Variants in CLNK observed in about 807,000 individuals in gnomAD.
The protein encoded by CLNK is cytokine dependent hematopoietic cell linker.
In CLNK, 74 loss-of-function variants were observed where a neutral mutation model predicts 68.6. The ratio of observed to expected loss-of-function variants is 1.08; its 90% CI spans 0.89 to 1.31. The LOEUF (loss-of-function observed/expected upper bound fraction) is 1.31. CLNK is among the 50% of genes most tolerant of loss of function. CLNK has a pLI of 0.00. For synonymous variants in CLNK, 198 were observed against 172.2 expected, an observed-to-expected ratio of 1.15 and a Z score of -1.17; for missense variants, 553 against 515.3, an observed-to-expected ratio of 1.07 and a Z score of -0.71.
intron 2 of CLNK, among the ~76,000 whole-genome samples, chr4:10,630,411 G>A (rs552330183): frequency 3.9e-5 from 6 of 152,160 alleles, no homozygotes; most frequent in Non-Finnish European, 8.8e-5. Flanking sequence ...GGCAAAGCTG[G>A]GATTCCAACT....
intron 2 of CLNK, among the ~76,000 whole-genome samples, chr4:10,640,467 G>A (rs1723268329): frequency 6.6e-6 from 1 of 152,146 alleles, no homozygotes; most frequent in Non-Finnish European, 1.5e-5. Context: ...CACCTGGCCT[G>A]GACTAACATT....
At chr4:10,642,150 A>T (rs1202012373) in intron 2 of CLNK, among the ~76,000 whole-genome samples, 1 of 152,222 alleles carries the variant, frequency 6.6e-6, no homozygotes, top group East Asian at 1.9e-4. Context: ...GCATAAATCA[A>T]AGTAAAAATA....
rs972599504 is a variant in CLNK, at chr4:10,486,579, C to T, written c.*3888G>A. ...ACACACATACATAATTGGCTACATTCGACAATGGGGTTCATTTGATTCCTC... is the reference window on the plus strand; with the variant it reads ...ACACACATACATAATTGGCTACATTTGACAATGGGGTTCATTTGATTCCTC... On this transcript the variant is annotated 3_prime_UTR_variant, in exon 19 of 19. Coordinates refer to ENST00000226951, the MANE Select transcript of CLNK (RefSeq NM_052964.4). 1 of 152,018 alleles carries T rather than the reference C, an allele frequency of 6.6e-6. No homozygotes were observed. The highest frequency in any genetic ancestry group is 1.9e-4 in the East Asian group (1 of 5,192). 9.4% of individuals were successfully genotyped at this position (152,018 alleles called of 1,614,324 possible).
At chr4:10,690,908 AC>A in the CLNK span, among the ~76,000 whole-genome samples, 41,879 of 152,042 alleles carry the variant, frequency 0.28, 6,174 homozygotes, top group Non-Finnish European at 0.33. Context: ...ACCTGGTGAA[AC>A]ACCAGTAATA....
Position 10,550,693 on chromosome 4 carries a change from C to CT in CLNK, c.445+7713dup, listed in dbSNP as rs954000058. Among the ~76,000 whole-genome samples the CT allele has an allele frequency of 1.5e-3, 229 of 152,120 alleles. 3 individuals are homozygous for CT. Among genetic ancestry groups the CT allele is most frequent in the Non-Finnish European group, 7.4e-4 (50 of 67,982 alleles). ...GATATGTGACAGCAAAACAAGCACA[C>CT]TTTTTTTTCCTTCTTCCCAATTTCA... On this transcript the variant is annotated intron_variant, in intron 8 of 18. Coordinates refer to ENST00000226951, the MANE Select transcript of CLNK (RefSeq NM_052964.4).
chr4:10,571,537 T>C (rs1018700318), intron 5 of CLNK, among the ~76,000 whole-genome samples: 2 of 152,024 alleles, frequency 1.3e-5, no homozygotes, highest in African/African-American at 4.8e-5. Context: ...GGTTTCCTCA[T>C]GTTAGCCAGG....
At chr4:10,680,379 A>T (rs1480042418) in intron 1 of CLNK, among the ~76,000 whole-genome samples, 1 of 51,800 alleles carries the variant, frequency 1.9e-5, no homozygotes, top group East Asian at 6.7e-4. Flanking sequence ...GGTTGGGGGG[A>T]GGGGGGAGGG....
intron 2 of CLNK, among the ~76,000 whole-genome samples, chr4:10,605,385 G>A (rs1187869496): frequency 2.0e-5 from 3 of 152,022 alleles, no homozygotes; most frequent in Admixed American, 6.6e-5. Context: ...CAGGTGATAC[G>A]GTATAGCCTA....
chr4:10,705,890 A>T, the CLNK span, among the ~76,000 whole-genome samples: 1 of 152,238 alleles, frequency 6.6e-6, no homozygotes, highest in East Asian at 1.9e-4. Flanking sequence ...AGCACGGGAA[A>T]AGTGTAAGAC....
the CLNK span, among the ~76,000 whole-genome samples, chr4:10,731,797 A>C: frequency 8.5e-5 from 13 of 152,232 alleles, no homozygotes; most frequent in Non-Finnish European, 1.9e-4. Flanking sequence ...TGTAACTACA[A>C]AAAGAGAAGG....
At chr4:10,630,549 C>A (rs566101088) in intron 2 of CLNK, among the ~76,000 whole-genome samples, 1 of 151,962 alleles carries the variant, frequency 6.6e-6, no homozygotes, top group African/African-American at 2.4e-5. Flanking sequence ...GCTGTGAATT[C>A]TAGGAGGGGA....
rs543475373 is a variant in CLNK at position 10,566,881 on chromosome 4, A to G, written c.151-731T>C. ...AATAGCATCAAGGAGAATAAAATAT[A>G]TGGAAATACATTTAACAAAAGAAGT... On this transcript the variant is annotated intron_variant, in intron 5 of 18. Coordinates refer to ENST00000226951, the MANE Select transcript of CLNK (RefSeq NM_052964.4). Among the ~76,000 whole-genome samples the G allele has an allele frequency of 7.2e-5, 11 of 152,230 alleles. No individual in the cohort carries two copies. The South Asian group carries it at 2.3e-3, about 32-fold the overall frequency.
At chr4:10,656,515 C>T (rs933543388) in intron 2 of CLNK, 5 of 151,970 alleles carry the variant, frequency 3.3e-5, no homozygotes, top group Admixed American at 2.6e-4. Context: ...CCACTGGTTT[C>T]GTAAAAATTA....
At chr4:10,584,598 G>C (rs1274774778) in intron 4 of CLNK, among the ~76,000 whole-genome samples, 1 of 152,164 alleles carries the variant, frequency 6.6e-6, no homozygotes, top group Non-Finnish European at 1.5e-5. Flanking sequence ...GTGAATACTA[G>C]TGAGTCACCA....
chr4:10,711,559 C>T, the CLNK span, among the ~76,000 whole-genome samples: 2 of 151,880 alleles, frequency 1.3e-5, no homozygotes, highest in Non-Finnish European at 2.9e-5. Context: ...ACTGGTTTAG[C>T]CCAATTAAAA....
At chr4:10,520,706 G>T in intron 15 of CLNK, 85 bp downstream of exon 15, 1 of 968,062 alleles carries the variant, frequency 1.0e-6, no homozygotes, top group Non-Finnish European at 1.6e-6. Flanking sequence ...GTGGCTCTGG[G>T]GTTCACAACA....
intron 8 of CLNK, among the ~76,000 whole-genome samples, chr4:10,557,459 G>C (rs1056614572): frequency 2.0e-5 from 3 of 152,156 alleles, no homozygotes; most frequent in African/African-American, 7.2e-5. Flanking sequence ...TGGGCTAGTG[G>C]TGTCCCGGGA....
intron 2 of CLNK, among the ~76,000 whole-genome samples, chr4:10,640,047 A>G (rs932254137): frequency 6.6e-5 from 10 of 152,230 alleles, no homozygotes; most frequent in African/African-American, 2.4e-4. Flanking sequence ...CATTTGAATC[A>G]ATAACACTAC....
At chr4:10,565,509 C>T (rs1720071645) in intron 6 of CLNK, among the ~76,000 whole-genome samples, 1 of 152,192 alleles carries the variant, frequency 6.6e-6, no homozygotes, top group African/African-American at 2.4e-5. Context: ...TTAACAATTG[C>T]AGCTTTGCTG....
Sources: allele counts gnomAD v4.1 joint callset (sites outside exome capture counted in the v4.1 genomes callset), GRCh38; gene constraint gnomAD v4.1.1; transcripts MANE v1.5; gene names NCBI Gene and HGNC (gene_info 2026-07-23, HGNC 2026-07-21).